Variants in ZFHX4 observed in about 807,000 individuals in gnomAD.
ZFHX4 encodes zinc finger homeobox 4.
In ZFHX4, 56 loss-of-function variants were observed where a neutral mutation model predicts 267.6. The observed-to-expected ratio is 0.21, with a 90% CI of 0.17 to 0.26. The LOEUF (loss-of-function observed/expected upper bound fraction) is 0.26. Among genes scored for constraint, ZFHX4 ranks in the 10% least tolerant of loss-of-function variants. The probability of loss-of-function intolerance (pLI) is 1.00; values close to 1 mark genes in which losing one functional copy is unlikely to be tolerated. For missense variants in ZFHX4, 4,332 were observed against 4,420.0 expected (o/e 0.98, Z 0.56); for synonymous variants, 1,778 against 1,665.6 (o/e 1.07, Z -1.64).
intron 3 of ZFHX4, among the ~76,000 whole-genome samples, chr8:76,777,578 A>G (rs1168615087): frequency 6.6e-6 from 1 of 152,220 alleles, no homozygotes; most frequent in Non-Finnish European, 1.5e-5. Flanking sequence ...TTAAATAAAC[A>G]TTTATGTTTG....
intron 1 of ZFHX4, among the ~76,000 whole-genome samples, chr8:76,702,343 T>C (rs2131601137): frequency 6.6e-6 from 1 of 152,342 alleles, no homozygotes; most frequent in Admixed American, 6.5e-5. Context: ...GCAGATCTTT[T>C]AATGTTTTCT....
intron 1 of ZFHX4, among the ~76,000 whole-genome samples, chr8:76,687,874 GA>G (rs1204507247): frequency 6.6e-6 from 1 of 152,128 alleles, no homozygotes; most frequent in Non-Finnish European, 1.5e-5. Flanking sequence ...AAGCTCTGTT[GA>G]ATAGGGTCCT....
chr8:76,864,268 T>G lies in ZFHX4; in HGVS notation c.10554T>G (p.Leu3518=). The change falls in exon 11 of 11, where the codon CTT becomes CTG. Residue 3518 remains leucine, a synonymous_variant. Transcript: ENST00000651372. ...AASSNNTYPH[L]SCFSMKSWPN... ...CTTCTAATAACACCTATCCTCATCT[T>G]TCTTGCTTCTCCATGAAGTCCTGGC... The G allele has an allele frequency of 6.2e-7, 1 of 1,613,934 alleles. No individual in the cohort carries two copies. The highest frequency in any genetic ancestry group is 8.5e-7 in the Non-Finnish European group (1 of 1,179,854).
At chr8:76,772,293 G>A (rs990257682) in intron 3 of ZFHX4, among the ~76,000 whole-genome samples, 2 of 152,142 alleles carry the variant, frequency 1.3e-5, no homozygotes, top group African/African-American at 4.8e-5. Context: ...AGAGATTTCT[G>A]AGTGGATATG....
chr8:76,692,513 G>A (rs576763692), intron 1 of ZFHX4, among the ~76,000 whole-genome samples: 44 of 152,072 alleles, frequency 2.9e-4, no homozygotes, highest in African/African-American at 1.1e-3. Flanking sequence ...ATTTTCTTAG[G>A]TTATTTTACA....
intron 1 of ZFHX4, among the ~76,000 whole-genome samples, chr8:76,701,243 T>C (rs1808095241): frequency 6.6e-6 from 1 of 152,162 alleles, no homozygotes; most frequent in Admixed American, 6.5e-5. Context: ...TTATTAGCTA[T>C]ATCAATTTAG....
rs549390842 is a variant in ZFHX4, at chr8:76,795,784, G to A, written c.3325+17345G>A. 3.2e-4 allele frequency among the ~76,000 whole-genome samples: 48 copies of A among 152,070 alleles called. 1 individual carries two copies. Among genetic ancestry groups the A allele is most frequent in the Non-Finnish European group, 6.5e-4 (44 of 67,982 alleles). Reference sequence around the variant, plus strand: ...TCTCCTGACCTCAGGTGATCCGCCCGCCTCCAAGTCTTTACATGAAGTACT... The same window carrying A: ...TCTCCTGACCTCAGGTGATCCGCCCACCTCCAAGTCTTTACATGAAGTACT... On this transcript the variant is annotated intron_variant, in intron 4 of 10. Coordinates refer to ENST00000651372, the MANE Select transcript of ZFHX4 (RefSeq NM_024721.5).
intron 4 of ZFHX4, among the ~76,000 whole-genome samples, chr8:76,810,974 A>T (rs1444607063): frequency 6.6e-6 from 1 of 152,156 alleles, no homozygotes; most frequent in Admixed American, 6.5e-5. Flanking sequence ...CTAAGAAGCT[A>T]CTAGGCCATC....
intron 1 of ZFHX4, among the ~76,000 whole-genome samples, chr8:76,689,472 G>A (rs151119370): frequency 0.021 from 3,190 of 152,232 alleles, 40 homozygotes; most frequent in Middle Eastern, 0.034. Context: ...AGAACTAAAA[G>A]TGCACAATTT....
At chr8:76,832,733 C>T (rs1811968604) in intron 4 of ZFHX4, among the ~76,000 whole-genome samples, 1 of 152,120 alleles carries the variant, frequency 6.6e-6, no homozygotes, top group African/African-American at 2.4e-5. Flanking sequence ...AAAAAGGAAT[C>T]ACGCAGTTAG....
At position 76,863,077 on chromosome 8, in the gene ZFHX4, T is replaced by A. The variant is rs1812912878; in HGVS notation, c.9380-17T>A. 1.3e-6 allele frequency: 2 copies of A among 1,490,894 alleles called. No individual in the cohort carries two copies. The highest frequency in any genetic ancestry group is 2.8e-5 in the African/African-American group (2 of 71,138). 92.4% of individuals were successfully genotyped at this position (1,490,894 alleles called of 1,614,324 possible). ...TCTGTACATTGACAGTGGCCATCTC[T>A]CTGTTGTTGTTTTCAGCTTTAACAC... On this transcript the variant is annotated splice_polypyrimidine_tract_variant and intron_variant, in intron 10 of 10. Coordinates refer to ENST00000651372, the MANE Select transcript of ZFHX4 (RefSeq NM_024721.5).
Position 76,775,895 on chromosome 8 carries a change from C to CTT in ZFHX4, c.3094-2297_3094-2296dup, listed in dbSNP as rs904035424. ...TGGGTTGGTGGAAAAAGTAAGTTTT[C>CTT]TTTTTTTTTTTTTTTTTAATGTGAA... On this transcript the variant is annotated intron_variant, in intron 3 of 10. Transcript: ENST00000651372. 2.1e-3 allele frequency among the ~76,000 whole-genome samples: 254 copies of CTT among 122,466 alleles called. 1 individual carries two copies. The highest frequency in any genetic ancestry group is 6.7e-3 in the African/African-American group (229 of 34,368). 80.3% of individuals were successfully genotyped at this position (122,466 alleles called of 152,430 possible). A position where few individuals can be genotyped will look rare whatever the true frequency, so the allele number is the denominator to read the frequency against.
At position 76,855,768 on chromosome 8, in the gene ZFHX4, T is replaced by A; in HGVS notation, c.8847T>A (p.Ser2949Arg). Residue 2949 changes from serine (S) to arginine (R), a missense_variant, in exon 10 of 11, where the codon AGT becomes AGA. Around this residue, in one of 7 missense-constraint regions of ZFHX4, gnomAD observed 1,648 missense variants for 1,625.0 expected, o/e 1.01. Transcript: ENST00000651372. ...TCAAGGTTCTCAAGGCTTGCTTTAG[T>A]GACTACCGAACTCCAACCATGCAAG... ...LQLKVLKACF[S>R]DYRTPTMQEC... 6.2e-7 allele frequency: 1 copy of A among 1,613,972 alleles called. No homozygotes were observed. The highest frequency in any genetic ancestry group is 8.5e-7 in the Non-Finnish European group (1 of 1,179,880).
At position 76,864,437 on chromosome 8, in the gene ZFHX4, G is replaced by A; in HGVS notation, c.10723G>A (p.Asp3575Asn). ...CTCACTACCCACAGAAAGTTGTTCA[G>A]ATGAGTCTGACAGTGAGCTGAGCCA... Reference protein sequence around the residue: ...QTSLPTESCSDESDSELSQKL... With the variant: ...QTSLPTESCSNESDSELSQKL... Residue 3575 changes from aspartate (D) to asparagine (N), a missense_variant, in exon 11 of 11, where the codon GAT becomes AAT. Asp to Asn is a conservative substitution (Grantham distance 23). Coordinates refer to ENST00000651372, the MANE Select transcript of ZFHX4 (RefSeq NM_024721.5). 6.2e-7 allele frequency: 1 copy of A among 1,613,748 alleles called. No homozygotes were observed.
intron 1 of ZFHX4, among the ~76,000 whole-genome samples, chr8:76,700,985 T>C (rs1435009019): frequency 1.3e-5 from 2 of 152,144 alleles, no homozygotes; most frequent in African/African-American, 4.8e-5. Flanking sequence ...TTTTGTGGTC[T>C]TTTTTACTGG....
rs1453923827 is a variant in ZFHX4 at position 76,827,974 on chromosome 8, A to G, written c.3326-5364A>G. On this transcript the variant is annotated intron_variant, in intron 4 of 10. Coordinates refer to ENST00000651372, the MANE Select transcript of ZFHX4 (RefSeq NM_024721.5). ...GAGAAAGCACTACAGGTCAACAAAG[A>G]TGATGTTGCTTGGTTACTCAAAACC... 7.2e-5 allele frequency among the ~76,000 whole-genome samples: 11 copies of G among 152,320 alleles called. No homozygotes were observed. In the East Asian group the frequency reaches 1.7e-3, roughly 24 times the overall value.
intron 3 of ZFHX4, among the ~76,000 whole-genome samples, chr8:76,755,720 T>C (rs1025063271): frequency 6.6e-6 from 1 of 152,210 alleles, no homozygotes; most frequent in South Asian, 2.1e-4. Flanking sequence ...CTGATCTTTT[T>C]CATTATTAGT....
intron 1 of ZFHX4, among the ~76,000 whole-genome samples, chr8:76,692,366 A>T (rs1468756707): frequency 6.6e-6 from 1 of 152,156 alleles, no homozygotes; most frequent in African/African-American, 2.4e-5. Flanking sequence ...GATATTATAT[A>T]CTTGATATTA....
rs1813047701 is a variant in ZFHX4 at position 76,866,856 on chromosome 8, G to A, written c.*2291G>A. 6.6e-6 allele frequency: 1 copy of A among 152,288 alleles called. No homozygotes were observed. The allele number at this position is 152,288 out of a possible 1,614,324, so 9.4% of individuals were successfully genotyped here. ...GACGTTGTTAGGGTGAGAAATAAAA[G>A]GACAGCCTCCAAAGGTTGAGAATGA... On this transcript the variant is annotated 3_prime_UTR_variant, in exon 11 of 11. Transcript: ENST00000651372.
Sources: gnomAD v4.1 joint callset for allele counts (sites outside exome capture counted in the v4.1 genomes callset) on GRCh38, gnomAD v4.1.1 for gene constraint, gnomAD v4.1.1 regional missense constraint, MANE v1.5 for transcripts, NCBI Gene and HGNC (gene_info 2026-07-23, HGNC 2026-07-21) for gene names.